The following BCKDHB variants were observed in gnomAD, a reference collection of about 807,000 sequenced individuals.
BCKDHB encodes branched chain keto acid dehydrogenase E1 subunit beta.
A neutral mutation model predicts 48.5 loss-of-function variants in BCKDHB; 41 were observed. The ratio of observed to expected loss-of-function variants is 0.85; its 90% CI spans 0.66 to 1.10. The LOEUF (loss-of-function observed/expected upper bound fraction) is 1.10. Among genes scored for constraint, BCKDHB ranks in the 50% least tolerant of loss-of-function variants. The pLI is 0.00. For missense variants in BCKDHB, 496 were observed against 494.2 expected (o/e 1.00, Z -0.03); for synonymous variants, 201 against 174.8 (o/e 1.15, Z -1.18).
chr6:80,382,041 A>C, the BCKDHB span, among the ~76,000 whole-genome samples: 1 of 152,150 alleles, frequency 6.6e-6, no homozygotes, highest in Non-Finnish European at 1.5e-5. Context: ...TTAATAGCCA[A>C]TACATTGATG....
At chr6:80,332,526 A>G (rs9350849) in intron 9 of BCKDHB, among the ~76,000 whole-genome samples, 114,605 of 151,886 alleles carry the variant, frequency 0.75, 43,979 homozygotes, top group Admixed American at 0.83. Flanking sequence ...AGTTAAGGCT[A>G]GGATAAAACT....
At chr6:80,113,519 G>A (rs944517166) in intron 1 of BCKDHB, among the ~76,000 whole-genome samples, 7 of 152,208 alleles carry the variant, frequency 4.6e-5, no homozygotes, top group African/African-American at 1.7e-4. Flanking sequence ...GGCATTGTGC[G>A]CTGAAGGGCC....
rs751853795 is a variant in BCKDHB at position 80,169,360 on chromosome 6, CT to C, written c.633+333del. ...CTTTATATTTCTTTCTAACTTAAGT[CT>C]TTCTCACTTAACTGATGATGGGGTG... On this transcript the variant is annotated intron_variant, in intron 5 of 9. Coordinates refer to ENST00000320393, the MANE Select transcript of BCKDHB (RefSeq NM_183050.4). Among the ~76,000 whole-genome samples the C allele has an allele frequency of 1.4e-3, 207 of 152,280 alleles. 1 individual carries two copies. Among genetic ancestry groups the C allele is most frequent in the Non-Finnish European group, 1.0e-3 (68 of 67,998 alleles).
chr6:80,425,095 T>C, the BCKDHB span, among the ~76,000 whole-genome samples: 2 of 152,186 alleles, frequency 1.3e-5, no homozygotes, highest in Non-Finnish European at 2.9e-5. Flanking sequence ...TGATAGAGAA[T>C]TTAATGAATT....
the BCKDHB span, among the ~76,000 whole-genome samples, chr6:80,372,534 AG>A: frequency 6.6e-6 from 1 of 152,074 alleles, no homozygotes; most frequent in African/African-American, 2.4e-5. Flanking sequence ...TCTAGTTCTC[AG>A]GGGGAATGCT....
intron 8 of BCKDHB, among the ~76,000 whole-genome samples, chr6:80,255,807 G>A (rs1777024896): frequency 6.6e-6 from 1 of 152,102 alleles, no homozygotes; most frequent in South Asian, 2.1e-4. Flanking sequence ...TGTGTTTAAT[G>A]TTTCTTATTT....
chr6:80,353,317 A>G, the BCKDHB span, among the ~76,000 whole-genome samples: 1 of 152,134 alleles, frequency 6.6e-6, no homozygotes, highest in African/African-American at 2.4e-5. Context: ...TCGTTGGTTG[A>G]CTCTATATAG....
chr6:80,423,815 G>C, the BCKDHB span, among the ~76,000 whole-genome samples: 1 of 152,136 alleles, frequency 6.6e-6, no homozygotes, highest in Non-Finnish European at 1.5e-5. Context: ...TTTATGTATG[G>C]GTACTGCTTG....
At chr6:80,234,743 G>A (rs1402702976) in intron 8 of BCKDHB, among the ~76,000 whole-genome samples, 3 of 152,110 alleles carry the variant, frequency 2.0e-5, no homozygotes, top group Non-Finnish European at 2.9e-5. Context: ...GCTCCCATGT[G>A]TGTTGCAGCA....
chr6:80,113,989 T>C (rs1448769798), intron 1 of BCKDHB, among the ~76,000 whole-genome samples: 1 of 152,130 alleles, frequency 6.6e-6, no homozygotes, highest in African/African-American at 2.4e-5. Context: ...ACTAGCCTGA[T>C]TGGTTGTGGG....
At chr6:80,390,337 G>A in the BCKDHB span, among the ~76,000 whole-genome samples, 1 of 151,962 alleles carries the variant, frequency 6.6e-6, no homozygotes, top group African/African-American at 2.4e-5. Context: ...AAAAAAACTC[G>A]ACCTACTGAG....
intron 3 of BCKDHB, among the ~76,000 whole-genome samples, chr6:80,141,533 A>T (rs192147743): frequency 1.3e-5 from 2 of 152,148 alleles, no homozygotes; most frequent in African/African-American, 4.8e-5. Flanking sequence ...TGACATTTTA[A>T]GTATCAGTCA....
intron 1 of BCKDHB, among the ~76,000 whole-genome samples, chr6:80,114,269 T>TA (rs1164253675): frequency 6.6e-6 from 1 of 151,084 alleles, no homozygotes; most frequent in East Asian, 1.9e-4. Context: ...TTTAATTAAA[T>TA]ACAGGGTCTC....
chr6:80,292,522 C>G (rs998821626), intron 9 of BCKDHB, among the ~76,000 whole-genome samples: 3 of 152,120 alleles, frequency 2.0e-5, no homozygotes, highest in Admixed American at 6.5e-5. Flanking sequence ...CACCGGGTCC[C>G]TCCCATGACG....
At chr6:80,330,317 A>G (rs1481803241) in intron 9 of BCKDHB, among the ~76,000 whole-genome samples, 2 of 152,190 alleles carry the variant, frequency 1.3e-5, no homozygotes, top group African/African-American at 4.8e-5. Flanking sequence ...TCCACACCCT[A>G]CTTCCTGTCT....
intron 9 of BCKDHB, among the ~76,000 whole-genome samples, chr6:80,316,294 A>G (rs1384998650): frequency 6.6e-6 from 1 of 152,242 alleles, no homozygotes; most frequent in East Asian, 1.9e-4. Context: ...TCCTTGAATC[A>G]TAATGATTTT....
At chr6:80,376,559 G>T in the BCKDHB span, among the ~76,000 whole-genome samples, 1 of 152,190 alleles carries the variant, frequency 6.6e-6, no homozygotes. Context: ...GTATGTTCTT[G>T]TGGTAGTTCT....
chr6:80,397,653 C>T, the BCKDHB span, among the ~76,000 whole-genome samples: 3 of 152,138 alleles, frequency 2.0e-5, no homozygotes, highest in East Asian at 5.8e-4. Flanking sequence ...GAGGCCAAGA[C>T]AGGCAGATCA....
chr6:80,110,600 C>A (rs1582156639), intron 1 of BCKDHB, among the ~76,000 whole-genome samples: 1 of 152,080 alleles, frequency 6.6e-6, no homozygotes, highest in South Asian at 2.1e-4. Flanking sequence ...CATTCAAAGG[C>A]AAAAAGGTAT....
Sources: allele counts gnomAD v4.1 joint callset (sites outside exome capture counted in the v4.1 genomes callset), GRCh38; gene constraint gnomAD v4.1.1; transcripts MANE v1.5; gene names NCBI Gene and HGNC (gene_info 2026-07-23, HGNC 2026-07-21).